ZC3H12B: variants seen among roughly 807,000 people sequenced by gnomAD.
ZC3H12B encodes the protein probable ribonuclease ZC3H12B.
A neutral mutation model predicts 43.9 loss-of-function variants in ZC3H12B; 7 were observed. The observed-to-expected ratio is 0.16, with a 90% CI of 0.09 to 0.30. The LOEUF (loss-of-function observed/expected upper bound fraction) is 0.30. Among genes scored for constraint, ZC3H12B ranks in the 10% least tolerant of loss-of-function variants. The probability of loss-of-function intolerance (pLI) is 1.00; values close to 1 mark genes in which losing one functional copy is unlikely to be tolerated. For missense variants in ZC3H12B, 475 were observed against 670.2 expected (o/e 0.71, Z 3.22); for synonymous variants, 222 against 241.7 (o/e 0.92, Z 0.76).
chrX:65,220,356 A>T, the ZC3H12B span, among the ~76,000 whole-genome samples: 31 of 111,983 alleles, frequency 2.8e-4, no homozygotes, highest in African/African-American at 9.7e-4. Context: ...CTCACATCTC[A>T]ATACTAACAT....
intron 1 of ZC3H12B, among the ~76,000 whole-genome samples, chrX:65,496,620 G>T (rs1254315101): frequency 9.0e-6 from 1 of 111,672 alleles, no homozygotes; most frequent in Non-Finnish European, 1.9e-5. Context: ...AAAATATCTT[G>T]ATTTGCTCTT....
At chrX:65,406,592 C>CGGGGATGGGCGGGGA (rs1569396807) in intron 3 of ZC3H12B, among the ~76,000 whole-genome samples, 1 of 22,168 alleles carries the variant, frequency 4.5e-5, no homozygotes, top group African/African-American at 9.9e-5. Flanking sequence ...CTGGGCGGGG[C>CGGGGATGGGCGGGGA]TGGGCGGGGC....
rs994707231 is a variant in ZC3H12B at position 65,388,338 on chromosome X, T to C, written n.296-10255T>C. Among the ~76,000 whole-genome samples the C allele has an allele frequency of 3.6e-5, 4 of 111,990 alleles. No homozygotes were observed. In the East Asian group the frequency reaches 1.1e-3, roughly 31 times the overall value. On this transcript the variant is annotated intron_variant and non_coding_transcript_variant, in intron 2 of 5. Transcript: ENST00000617377. Reference sequence around the variant, plus strand: ...CATATTTCTTGGAGGCTTTGTTCTTTTTTGTTTATCCTTTTTTCTCTAAAC... The same window carrying C: ...CATATTTCTTGGAGGCTTTGTTCTTCTTTGTTTATCCTTTTTTCTCTAAAC...
the ZC3H12B span, among the ~76,000 whole-genome samples, chrX:65,214,939 A>G: frequency 2.7e-5 from 3 of 111,855 alleles, no homozygotes; most frequent in Non-Finnish European, 3.8e-5. Flanking sequence ...CCATGAAAAC[A>G]ACATTAACCT....
chrX:65,160,206 A>G, the ZC3H12B span, among the ~76,000 whole-genome samples: 1 of 111,685 alleles, frequency 9.0e-6, no homozygotes, highest in East Asian at 2.8e-4. Flanking sequence ...TTCATCAAGG[A>G]TATTGGTCCA....
the ZC3H12B span, among the ~76,000 whole-genome samples, chrX:65,092,831 C>T: frequency 8.9e-6 from 1 of 112,139 alleles, no homozygotes; most frequent in East Asian, 2.8e-4. Context: ...AACACATTTT[C>T]TGGGGAGGAG....
the ZC3H12B span, among the ~76,000 whole-genome samples, chrX:65,281,370 G>A: frequency 9.1e-6 from 1 of 109,973 alleles, no homozygotes; most frequent in Non-Finnish European, 1.9e-5. Flanking sequence ...GAGCAGCTGG[G>A]ATTACAGGTG....
At chrX:65,374,080 A>T (rs1421374744) in intron 2 of ZC3H12B, among the ~76,000 whole-genome samples, 24 of 63,157 alleles carry the variant, frequency 3.8e-4, no homozygotes, top group Non-Finnish European at 5.5e-4. Context: ...ATATATAACT[A>T]TATATAGTAT....
chrX:65,232,600 A>G, the ZC3H12B span, among the ~76,000 whole-genome samples: 2 of 111,816 alleles, frequency 1.8e-5, no homozygotes, highest in South Asian at 7.4e-4. Context: ...TAATAAATTC[A>G]CAGAAAACAA....
the ZC3H12B span, among the ~76,000 whole-genome samples, chrX:65,046,877 T>C: frequency 9.0e-6 from 1 of 110,966 alleles, no homozygotes; most frequent in Non-Finnish European, 1.9e-5. Context: ...TATTGTTATG[T>C]CTCACAGGAT....
the ZC3H12B span, among the ~76,000 whole-genome samples, chrX:65,290,861 G>A: frequency 1.4e-4 from 15 of 110,661 alleles, no homozygotes; most frequent in Non-Finnish European, 2.1e-4. Flanking sequence ...AGGTGAATGG[G>A]GGGATATGGA....
the ZC3H12B span, among the ~76,000 whole-genome samples, chrX:65,172,769 G>T: frequency 1.8e-5 from 2 of 111,603 alleles, no homozygotes; most frequent in African/African-American, 6.5e-5. Flanking sequence ...CCTCTGTTCT[G>T]TTCCATTGTT....
exon 5 of ZC3H12B, chrX:65,503,443 TG>T: frequency 3.1e-6 from 1 of 323,315 alleles, no homozygotes; most frequent in East Asian, 5.4e-5. Flanking sequence ...TGCTAGCAAA[TG>T]ACTAAGTCAA....
chrX:65,434,016 A>T (rs1360920520), intron 3 of ZC3H12B, among the ~76,000 whole-genome samples: 1 of 111,927 alleles, frequency 8.9e-6, no homozygotes, highest in Admixed American at 9.5e-5. Context: ...GATGCCATAG[A>T]TCCATGTAAG....
the ZC3H12B span, among the ~76,000 whole-genome samples, chrX:65,158,127 A>G: frequency 2.8e-5 from 3 of 108,684 alleles, no homozygotes; most frequent in African/African-American, 9.9e-5. Context: ...GCTGCATAGT[A>G]TTCCATGGTG....
At chrX:65,307,235 A>C in the ZC3H12B span, among the ~76,000 whole-genome samples, 4 of 112,198 alleles carry the variant, frequency 3.6e-5, no homozygotes, top group Non-Finnish European at 7.5e-5. Flanking sequence ...CCAGATATTC[A>C]ACAATGTAAA....
the ZC3H12B span, among the ~76,000 whole-genome samples, chrX:65,220,224 T>C: frequency 2.7e-5 from 3 of 111,576 alleles, no homozygotes; most frequent in African/African-American, 9.8e-5. Flanking sequence ...AAACAAATCA[T>C]CAAAATACAC....
intron 3 of ZC3H12B, among the ~76,000 whole-genome samples, chrX:65,401,795 G>C (rs1050477426): frequency 1.1e-4 from 12 of 111,668 alleles, no homozygotes; most frequent in African/African-American, 3.9e-4. Flanking sequence ...CCCCATTTCA[G>C]GCTCTAGTTT....
At chrX:65,130,900 G>A in the ZC3H12B span, among the ~76,000 whole-genome samples, 25 of 111,835 alleles carry the variant, frequency 2.2e-4, no homozygotes, top group African/African-American at 5.8e-4. Flanking sequence ...TGTCCTGAGC[G>A]ATGGGATCTG....
Sources: allele counts gnomAD v4.1 joint callset (sites outside exome capture counted in the v4.1 genomes callset), GRCh38; gene constraint gnomAD v4.1.1; transcripts MANE v1.5; gene names NCBI Gene and HGNC (gene_info 2026-07-23, HGNC 2026-07-21).